The following GCNT2 variants were observed in gnomAD, a reference collection of about 807,000 sequenced individuals.
GCNT2 encodes glucosaminyl (N-acetyl) transferase 2 (I blood group).
GCNT2 carries 34 observed loss-of-function variants against 34.2 expected under a neutral mutation model. That is an observed-to-expected ratio of 1.00 (90% CI 0.76 to 1.32). GCNT2 has a LOEUF of 1.32. Ranked by LOEUF, GCNT2 falls within the 40% of genes most tolerant of loss-of-function variation. The pLI, the probability that GCNT2 is intolerant of heterozygous loss-of-function variation, is 0.00. For missense variants in GCNT2, 584 were observed against 489.4 expected (o/e 1.19, Z -1.82); for synonymous variants, 212 against 188.0 (o/e 1.13, Z -1.04).
chr6:10,566,484 G>C (rs1237953688), intron 3 of GCNT2, among the ~76,000 whole-genome samples: 1 of 152,098 alleles, frequency 6.6e-6, no homozygotes. Context: ...TATAGAGATA[G>C]AATTTCACTG....
At chr6:10,557,124 A>C in intron 3 of GCNT2, 1 of 1,556,966 alleles carries the variant, frequency 6.4e-7, no homozygotes, top group Non-Finnish European at 8.6e-7. Flanking sequence ...CACCAAGAGC[A>C]CCTGGGCAAA....
At chr6:10,620,429 CAG>C (rs1271640886) in intron 3 of GCNT2, among the ~76,000 whole-genome samples, 2 of 150,488 alleles carry the variant, frequency 1.3e-5, no homozygotes, top group Non-Finnish European at 2.9e-5. Flanking sequence ...TATTTTGAGA[CAG>C]GGGCCTGCTC....
intron 3 of GCNT2, among the ~76,000 whole-genome samples, chr6:10,544,937 C>A (rs998875504): frequency 2.1e-5 from 3 of 143,190 alleles, no homozygotes; most frequent in Non-Finnish European, 4.4e-5. Context: ...AGAGCAAAAA[C>A]TCTGTCTCAA....
At chr6:10,544,822 G>A (rs1451042572) in intron 3 of GCNT2, among the ~76,000 whole-genome samples, 9 of 150,322 alleles carry the variant, frequency 6.0e-5, no homozygotes, top group Admixed American at 4.6e-4. Context: ...GCAGGCACCT[G>A]TAATCTGAGC....
At position 10,543,259 on chromosome 6, in the gene GCNT2, G is replaced by A. The variant is rs933870810; in HGVS notation, c.925+13423G>A. Among the ~76,000 whole-genome samples, 6 of 150,806 alleles carry A rather than the reference G, an allele frequency of 4.0e-5. No homozygotes were observed. The East Asian group carries it at 9.8e-4, about 25-fold the overall frequency. On this transcript the variant is annotated intron_variant, in intron 3 of 4. Coordinates refer to ENST00000495262, the MANE Select transcript of GCNT2 (RefSeq NM_145649.5). ...CGCTCTGTCGCCCAGGCTGAAGTTCGGTGGCTCCATCTCAGCTCACTGCAA... is the reference window on the plus strand; with the variant it reads ...CGCTCTGTCGCCCAGGCTGAAGTTCAGTGGCTCCATCTCAGCTCACTGCAA...
chr6:10,571,471 G>A (rs1027624851), intron 3 of GCNT2, among the ~76,000 whole-genome samples: 1 of 152,108 alleles, frequency 6.6e-6, no homozygotes, highest in African/African-American at 2.4e-5. Flanking sequence ...CCCTGCCTCA[G>A]CCTCCCGAGT....
chr6:10,572,094 T>G (rs920128230), intron 3 of GCNT2, among the ~76,000 whole-genome samples: 6 of 151,460 alleles, frequency 4.0e-5, no homozygotes, highest in Non-Finnish European at 4.4e-5. Flanking sequence ...TCCCGTGTTC[T>G]GGGAAACCCC....
chr6:10,539,113 C>T (rs1246255507), intron 3 of GCNT2, among the ~76,000 whole-genome samples: 1 of 149,184 alleles, frequency 6.7e-6, no homozygotes, highest in Non-Finnish European at 1.5e-5. Flanking sequence ...GAGTAGCTCA[C>T]ACTCACTGGT....
chr6:10,538,796 A>T (rs188209786), intron 3 of GCNT2, among the ~76,000 whole-genome samples: 3 of 152,190 alleles, frequency 2.0e-5, no homozygotes, highest in Non-Finnish European at 4.4e-5. Flanking sequence ...TGCTTTGCCA[A>T]TTATACCATC....
At chr6:10,605,221 T>TTTTTG (rs1765258079) in intron 3 of GCNT2, among the ~76,000 whole-genome samples, 1 of 145,380 alleles carries the variant, frequency 6.9e-6, no homozygotes, top group Admixed American at 6.9e-5. Flanking sequence ...TTTTTTTTTT[T>TTTTTG]TTTTTTTTTT....
At position 10,529,720 on chromosome 6, in the gene GCNT2, C is replaced by T; in HGVS notation, c.809C>T (p.Thr270Ile). ...IYFGTAYVALTRDFANFVLQD... is the reference protein window; with the variant it reads ...IYFGTAYVALIRDFANFVLQD... ...TTTGGCACGGCCTACGTGGCTCTCACAAGGGACTTTGCTAACTTCGTCCTC... is the reference window on the plus strand; with the variant it reads ...TTTGGCACGGCCTACGTGGCTCTCATAAGGGACTTTGCTAACTTCGTCCTC... Residue 270 changes from threonine (T) to isoleucine (I), a missense_variant, in exon 3 of 5, where the codon ACA (threonine) becomes ATA (isoleucine). Transcript: ENST00000495262. 2 of 1,614,104 alleles carry T rather than the reference C, an allele frequency of 1.2e-6. No homozygotes were observed. The highest frequency in any genetic ancestry group is 1.3e-5 in the African/African-American group (1 of 75,040).
At chr6:10,599,400 G>T (rs558518205) in intron 3 of GCNT2, among the ~76,000 whole-genome samples, 1 of 152,334 alleles carries the variant, frequency 6.6e-6, no homozygotes, top group African/African-American at 2.4e-5. Context: ...AAAATATGTG[G>T]TGTTGTTTCC....
At chr6:10,621,790 G>A in intron 4 of GCNT2, 1 of 348,082 alleles carries the variant, frequency 2.9e-6, no homozygotes, top group South Asian at 2.3e-5. Flanking sequence ...GCTCACTGCA[G>A]CCTCAACATC....
At chr6:10,621,211 T>G in intron 3 of GCNT2, 140 bp from the exon 4 acceptor site, 1 of 693,830 alleles carries the variant, frequency 1.4e-6, no homozygotes, top group Non-Finnish European at 2.6e-6. Flanking sequence ...GATGGGTAGA[T>G]CAGTACATAC....
At chr6:10,558,700 T>C (rs1184661420) in intron 3 of GCNT2, among the ~76,000 whole-genome samples, 1 of 152,242 alleles carries the variant, frequency 6.6e-6, no homozygotes, top group Non-Finnish European at 1.5e-5. Flanking sequence ...GTAGGTGCTC[T>C]CAGGCTGCAG....
At chr6:10,585,630 A>T (rs1764308672) in intron 3 of GCNT2, 1 of 367,950 alleles carries the variant, frequency 2.7e-6, no homozygotes, top group African/African-American at 2.1e-5. Flanking sequence ...GCTCCAGTGA[A>T]AAGGACCCAT....
chr6:10,542,131 TAAAAAGA>T (rs374345647), intron 3 of GCNT2, among the ~76,000 whole-genome samples: 122 of 152,168 alleles, frequency 8.0e-4, no homozygotes, highest in Middle Eastern at 6.8e-3. Context: ...ATGTAAAATT[TAAAAAGA>T]AAAAAGAAAA....
chr6:10,586,840 T>C (rs776750111), intron 3 of GCNT2: 35 of 1,613,886 alleles, frequency 2.2e-5, no homozygotes, highest in Non-Finnish European at 2.5e-5. Flanking sequence ...CAAAGGGCCA[T>C]TGATCTACTA....
At chr6:10,582,062 G>A (rs1056535246) in intron 3 of GCNT2, 1 of 160,004 alleles carries the variant, frequency 6.2e-6, no homozygotes, top group Non-Finnish European at 1.2e-5. Context: ...AAATACACAT[G>A]TAATATATAT....
Sources: gnomAD v4.1 joint callset for allele counts (sites outside exome capture counted in the v4.1 genomes callset) on GRCh38, gnomAD v4.1.1 for gene constraint, MANE v1.5 for transcripts, NCBI Gene and HGNC (gene_info 2026-07-23, HGNC 2026-07-21) for gene names.